Variants in CD109 observed in about 807,000 individuals in gnomAD.
CD109 encodes the protein CD109 antigen.
CD109 carries 149 observed loss-of-function variants against 165.8 expected under a neutral mutation model. The ratio of observed to expected loss-of-function variants is 0.90; its 90% CI spans 0.79 to 1.03. CD109 has a LOEUF of 1.03. Ranked by LOEUF, CD109 falls within the 50% of genes least tolerant of loss-of-function variation. The probability of loss-of-function intolerance (pLI) is 0.00; values close to 1 mark genes in which losing one functional copy is unlikely to be tolerated. For missense variants in CD109, 1,712 were observed against 1,677.8 expected, an observed-to-expected ratio of 1.02 and a Z score of -0.36; for synonymous variants, 585 against 592.1, an observed-to-expected ratio of 0.99 and a Z score of 0.18.
chr6:73,704,262 A>G (rs1333186842), intron 2 of CD109, among the ~76,000 whole-genome samples: 1 of 152,130 alleles, frequency 6.6e-6, no homozygotes, highest in East Asian at 1.9e-4. Flanking sequence ...AATGAGAACA[A>G]CTGCCCTTTG....
chr6:73,801,721 T>C (rs1775366376), intron 23 of CD109, among the ~76,000 whole-genome samples: 1 of 152,228 alleles, frequency 6.6e-6, no homozygotes, highest in Non-Finnish European at 1.5e-5. Flanking sequence ...CTTATAGTTC[T>C]GGATGCTTCT....
intron 2 of CD109, among the ~76,000 whole-genome samples, chr6:73,698,405 G>A (rs1041277347): frequency 1.5e-4 from 23 of 151,602 alleles, no homozygotes; most frequent in African/African-American, 5.6e-4. Flanking sequence ...GGCTGGTCTC[G>A]AACTCCTAAG....
intron 23 of CD109, among the ~76,000 whole-genome samples, chr6:73,793,937 T>A (rs1775059782): frequency 6.6e-6 from 1 of 152,160 alleles, no homozygotes; most frequent in Non-Finnish European, 1.5e-5. Flanking sequence ...TTAGTTTTTG[T>A]TTTTTTATAA....
chr6:73,823,571 C>T lies in CD109; in HGVS notation c.4276C>T (p.His1426Tyr). 1.9e-6 allele frequency: 3 copies of T among 1,613,874 alleles called. No individual in the cohort carries two copies. The highest frequency in any genetic ancestry group is 1.1e-5 in the South Asian group (1 of 91,046). Residue 1426 changes from histidine (H) to tyrosine (Y), a missense_variant, in exon 33 of 33, where the codon CAC (histidine) becomes TAC (tyrosine). Physicochemically the swap from His to Tyr is moderately conservative, Grantham distance 83. Coordinates refer to ENST00000287097, the MANE Select transcript of CD109 (RefSeq NM_133493.5). ...GGATGGAGCTTCAGGCTCCCATCAT[C>T]ACTCTTCAGTCATTTTTATTTTCTG... ...CEDGASGSHH[H>Y]SSVIFIFCFK...
intron 26 of CD109, 122 bp downstream of exon 26, chr6:73,808,370 A>G: frequency 3.1e-6 from 3 of 958,846 alleles, no homozygotes; most frequent in South Asian, 1.8e-5. Flanking sequence ...AGTAAAACAC[A>G]TAATGAGATC....
intron 2 of CD109, among the ~76,000 whole-genome samples, chr6:73,702,333 G>A (rs1771115108): frequency 6.6e-6 from 1 of 152,102 alleles, no homozygotes; most frequent in Non-Finnish European, 1.5e-5. Context: ...AATTTGGTTT[G>A]GATGGTTTTC....
Position 73,792,844 on chromosome 6 carries a change from T to C in CD109, c.2878+42T>C, listed in dbSNP as rs761022050. ...CCTACATTTGTTCGTAGAAAAAAAT[T>C]TGTTTTTTTCAGGTAGGGTTCATTC... On this transcript the variant is annotated intron_variant, in intron 23 of 32. Transcript: ENST00000287097. The C allele has an allele frequency of 1.2e-5, 18 of 1,544,468 alleles. No individual in the cohort carries two copies. In the East Asian group the frequency reaches 3.8e-4, roughly 33 times the overall value.
At chr6:73,771,275 T>A (rs1336675749) in intron 14 of CD109, among the ~76,000 whole-genome samples, 154 bp from the exon 15 acceptor site, 2 of 152,210 alleles carry the variant, frequency 1.3e-5, no homozygotes, top group Non-Finnish European at 2.9e-5. Flanking sequence ...TTTTTATTCC[T>A]TTCCCTAGAG....
chr6:73,783,645 C>A, intron 18 of CD109, 62 bp from the exon 19 acceptor site: 1 of 957,016 alleles, frequency 1.0e-6, no homozygotes, highest in Non-Finnish European at 1.7e-6. Flanking sequence ...ATTATTTTGG[C>A]TTATTTCAAA....
At chr6:73,699,366 T>TA (rs550018285) in intron 2 of CD109, among the ~76,000 whole-genome samples, 23 of 148,394 alleles carry the variant, frequency 1.5e-4, no homozygotes, top group Non-Finnish European at 2.4e-4. Context: ...AAATAAAAGT[T>TA]AAAAAAAAAA....
chr6:73,691,318 A>T (rs1451028906), upstream of CD109, among the ~76,000 whole-genome samples: 1 of 152,170 alleles, frequency 6.6e-6, no homozygotes, highest in Non-Finnish European at 1.5e-5. Flanking sequence ...GGTGTTATGG[A>T]CAGAGCAGAC....
intron 1 of CD109, among the ~76,000 whole-genome samples, chr6:73,696,730 A>G (rs1008041768): frequency 6.6e-5 from 10 of 152,190 alleles, no homozygotes; most frequent in African/African-American, 2.2e-4. Flanking sequence ...CATTATAGGA[A>G]GAAAACAACA....
chr6:73,749,598 C>T (rs1773111698), intron 5 of CD109, among the ~76,000 whole-genome samples: 1 of 152,164 alleles, frequency 6.6e-6, no homozygotes, highest in Non-Finnish European at 1.5e-5. Context: ...GTGTATTTTA[C>T]TTTGAATTTC....
intron 2 of CD109, among the ~76,000 whole-genome samples, chr6:73,722,413 C>T (rs1771989857): frequency 6.6e-6 from 1 of 152,124 alleles, no homozygotes; most frequent in South Asian, 2.1e-4. Flanking sequence ...AGGGCCAGTA[C>T]ATATCAAATT....
At chr6:73,808,928 A>G (rs915570739) in intron 26 of CD109, among the ~76,000 whole-genome samples, 5 of 151,648 alleles carry the variant, frequency 3.3e-5, no homozygotes, top group Non-Finnish European at 7.4e-5. Context: ...AGAAGGGATA[A>G]TTGTAGAAAG....
chr6:73,760,377 G>A (rs1188452935), intron 7 of CD109, among the ~76,000 whole-genome samples: 5 of 134,108 alleles, frequency 3.7e-5, no homozygotes, highest in African/African-American at 5.9e-5. Context: ...ACTGCAGTCC[G>A]GCCTGGGCTA....
intron 2 of CD109, among the ~76,000 whole-genome samples, chr6:73,710,297 AAC>A (rs1306306692): frequency 6.6e-6 from 1 of 152,162 alleles, no homozygotes; most frequent in Non-Finnish European, 1.5e-5. Flanking sequence ...ATACACCAAT[AAC>A]AGACAAACAG....
intron 5 of CD109, among the ~76,000 whole-genome samples, chr6:73,743,273 T>C (rs1461948083): frequency 6.6e-6 from 1 of 152,172 alleles, no homozygotes; most frequent in Admixed American, 6.5e-5. Context: ...CTAACTACAA[T>C]TTCGTAACCG....
intron 24 of CD109, among the ~76,000 whole-genome samples, chr6:73,806,327 A>G (rs112260083): frequency 0.03 from 4,473 of 151,420 alleles, 232 homozygotes; most frequent in African/African-American, 0.1. Flanking sequence ...ACACTTGGAC[A>G]CAGGAAGGGG....
Sources: gnomAD v4.1 joint callset for allele counts (sites outside exome capture counted in the v4.1 genomes callset) on GRCh38, gnomAD v4.1.1 for gene constraint, MANE v1.5 for transcripts, NCBI Gene and HGNC (gene_info 2026-07-23, HGNC 2026-07-21) for gene names.